ZFAT: variants seen among roughly 807,000 people sequenced by gnomAD.
The protein encoded by ZFAT is zinc finger and AT-hook domain containing.
In ZFAT, 64 loss-of-function variants were observed where a neutral mutation model predicts 117.7. That is an observed-to-expected ratio of 0.54 (90% CI 0.44 to 0.67). ZFAT has a LOEUF of 0.67. Ranked by LOEUF, ZFAT falls within the 30% of genes least tolerant of loss-of-function variation. ZFAT has a pLI of 0.00. For missense variants in ZFAT, 1,433 were observed against 1,584.5 expected (o/e 0.90, Z 1.62); for synonymous variants, 679 against 615.0 (o/e 1.10, Z -1.54).
intron 15 of ZFAT, among the ~76,000 whole-genome samples, chr8:134,500,044 G>T (rs190564122): frequency 6.6e-6 from 1 of 152,188 alleles, no homozygotes; most frequent in Non-Finnish European, 1.5e-5. Flanking sequence ...GTCTACAGAG[G>T]GCCCGCAGCG....
At chr8:134,676,922 G>T (rs1401625836) in intron 1 of ZFAT, among the ~76,000 whole-genome samples, 1 of 152,178 alleles carries the variant, frequency 6.6e-6, no homozygotes, top group Non-Finnish European at 1.5e-5. Context: ...CAACATACCA[G>T]AATCTCTGGG....
intron 1 of ZFAT, 35 bp from the exon 2 acceptor site, chr8:134,657,772 T>C (rs962927615): frequency 2.5e-6 from 4 of 1,599,428 alleles, no homozygotes; most frequent in Admixed American, 1.7e-5. Context: ...TGTTATTTCA[T>C]CTCCACATAA....
intron 2 of ZFAT, among the ~76,000 whole-genome samples, chr8:134,653,251 C>A (rs2131181923): frequency 8.6e-6 from 1 of 116,894 alleles, no homozygotes; most frequent in South Asian, 2.9e-4. Flanking sequence ...AGACTTGGAA[C>A]CAACCCAAAT....
At chr8:134,586,893 C>G (rs1826107944) in intron 9 of ZFAT, among the ~76,000 whole-genome samples, 3 of 152,224 alleles carry the variant, frequency 2.0e-5, no homozygotes. Flanking sequence ...CTTCACCTCT[C>G]TAAGCCTCAT....
intron 2 of ZFAT, among the ~76,000 whole-genome samples, chr8:134,643,664 T>C (rs1195550068): frequency 6.6e-6 from 1 of 152,204 alleles, no homozygotes; most frequent in African/African-American, 2.4e-5. Flanking sequence ...ATTGAAGACT[T>C]ACCAGGGCCA....
chr8:134,543,051 G>A (rs1270375623), intron 11 of ZFAT, among the ~76,000 whole-genome samples: 1 of 150,432 alleles, frequency 6.6e-6, no homozygotes, highest in African/African-American at 2.5e-5. Flanking sequence ...GAAGAGATGG[G>A]ATCATGTACA....
intron 1 of ZFAT, among the ~76,000 whole-genome samples, chr8:134,696,074 A>C (rs1833825808): frequency 6.6e-6 from 1 of 151,486 alleles, no homozygotes; most frequent in Non-Finnish European, 1.5e-5. Context: ...TCTCTAACTA[A>C]GGAGGAGCTG....
At chr8:134,787,723 A>G in the ZFAT span, among the ~76,000 whole-genome samples, 1 of 152,246 alleles carries the variant, frequency 6.6e-6, no homozygotes, top group East Asian at 1.9e-4. Context: ...GATTTTGATA[A>G]TATCATATAT....
intron 15 of ZFAT, among the ~76,000 whole-genome samples, chr8:134,499,565 T>C (rs1818799750): frequency 1.3e-5 from 2 of 149,762 alleles, no homozygotes; most frequent in South Asian, 2.1e-4. Flanking sequence ...AGGGTCGGGG[T>C]GGAGCTGGGA....
chr8:134,754,501 G>T, the ZFAT span, among the ~76,000 whole-genome samples: 1 of 152,362 alleles, frequency 6.6e-6, no homozygotes, highest in African/African-American at 2.4e-5. Flanking sequence ...CAGACTGCAT[G>T]TCCAACTCCA....
At chr8:134,732,870 G>A in the ZFAT span, among the ~76,000 whole-genome samples, 5 of 152,240 alleles carry the variant, frequency 3.3e-5, no homozygotes, top group South Asian at 4.1e-4. Flanking sequence ...AGACTATTCC[G>A]TAGGATCCTA....
chr8:134,538,513 T>G (rs1283482927), intron 11 of ZFAT, among the ~76,000 whole-genome samples: 1 of 152,184 alleles, frequency 6.6e-6, no homozygotes, highest in Non-Finnish European at 1.5e-5. Context: ...AAAAGGTATA[T>G]TGGGCCAGGC....
At chr8:134,564,895 G>A in intron 11 of ZFAT, 3 of 1,119,162 alleles carry the variant, frequency 2.7e-6, no homozygotes, top group Non-Finnish European at 3.4e-6. Flanking sequence ...AACATGCTGG[G>A]CACTGTGGTG....
At chr8:134,649,994 C>T (rs1353026017) in intron 2 of ZFAT, among the ~76,000 whole-genome samples, 4 of 152,216 alleles carry the variant, frequency 2.6e-5, no homozygotes, top group African/African-American at 9.6e-5. Flanking sequence ...TTTGCACTCA[C>T]TCTGTCCTGC....
chr8:134,653,619 G>A (rs1042056962), intron 2 of ZFAT, among the ~76,000 whole-genome samples: 3 of 151,782 alleles, frequency 2.0e-5, no homozygotes, highest in Admixed American at 2.0e-4. Flanking sequence ...TTAACTACAT[G>A]GGGTGATAGA....
the ZFAT span, among the ~76,000 whole-genome samples, chr8:134,826,041 G>T: frequency 3.5e-3 from 517 of 147,528 alleles, 4 homozygotes; most frequent in African/African-American, 0.012. Flanking sequence ...AAAAAGAAAA[G>T]AAATGGTCCT....
At chr8:134,798,535 A>C in the ZFAT span, among the ~76,000 whole-genome samples, 1 of 152,180 alleles carries the variant, frequency 6.6e-6, no homozygotes, top group East Asian at 1.9e-4. Flanking sequence ...AGCTAACTGT[A>C]AGTAGAATGT....
rs149047514 is a variant in ZFAT, at chr8:134,509,747, C to T, written c.3364G>A (p.Asp1122Asn). ...QDLRYTSESG[D>N]RLDPTAVNIL... is the part of the protein sequence containing the mutation. ...TTCACGGCCGTGGGGTCCAGTCGGT[C>T]GCCTTAAGAGGAAGAAGCAAAGAGG... Residue 1122 changes from aspartate to asparagine, a missense_variant and splice_region_variant, in exon 15 of 16, where the codon GAC (aspartate) becomes AAC (asparagine). Asp to Asn is a conservative substitution (Grantham distance 23). This residue lies in a region of ZFAT where 503 missense variants were observed against 543.4 expected (regional missense o/e 0.93). Coordinates refer to ENST00000377838, the MANE Select transcript of ZFAT (RefSeq NM_020863.4). 218 of 1,600,642 alleles carry T rather than the reference C, an allele frequency of 1.4e-4. No homozygotes were observed. The highest frequency in any genetic ancestry group is 1.4e-4 in the Admixed American group (8 of 56,848).
At chr8:134,497,360 G>C (rs1315957554) in intron 15 of ZFAT, among the ~76,000 whole-genome samples, 7 of 152,258 alleles carry the variant, frequency 4.6e-5, no homozygotes, top group Non-Finnish European at 7.3e-5. Flanking sequence ...ACTGACAGCT[G>C]AGAACAGGCT....
Sources: gnomAD v4.1 joint callset for allele counts (sites outside exome capture counted in the v4.1 genomes callset) on GRCh38, gnomAD v4.1.1 for gene constraint, gnomAD v4.1.1 regional missense constraint, MANE v1.5 for transcripts, NCBI Gene and HGNC (gene_info 2026-07-23, HGNC 2026-07-21) for gene names.